TRIQK: variants seen among roughly 807,000 people sequenced by gnomAD.
TRIQK encodes triple QxxK/R motif-containing protein.
In TRIQK, 10 loss-of-function variants were observed where a neutral mutation model predicts 10.8. The ratio of observed to expected loss-of-function variants is 0.92; its 90% CI spans 0.57 to 1.57. The LOEUF (loss-of-function observed/expected upper bound fraction) is 1.57, where lower values mean the gene tolerates loss of function less well. TRIQK is among the 40% of genes most tolerant of loss of function. The probability of loss-of-function intolerance (pLI) is 0.00; values close to 1 mark genes in which losing one functional copy is unlikely to be tolerated. For missense variants in TRIQK, 107 were observed against 97.7 expected (o/e 1.09, Z -0.40); for synonymous variants, 33 against 33.7 (o/e 0.98, Z 0.07).
chr8:92,913,971 G>A (rs1809702059), intron 3 of TRIQK, among the ~76,000 whole-genome samples: 1 of 152,108 alleles, frequency 6.6e-6, no homozygotes, highest in African/African-American at 2.4e-5. Context: ...GCCTGTCAGG[G>A]GGTGGGGTGT....
intron 3 of TRIQK, among the ~76,000 whole-genome samples, chr8:92,896,670 T>C (rs1808615583): frequency 6.6e-6 from 1 of 152,158 alleles, no homozygotes. Context: ...CAAAGGATAT[T>C]ATGTCCAGCT....
intron 3 of TRIQK, among the ~76,000 whole-genome samples, chr8:92,897,218 A>G (rs1808657592): frequency 6.6e-6 from 1 of 152,100 alleles, no homozygotes; most frequent in African/African-American, 2.4e-5. Context: ...TCTTACCCAC[A>G]TGTGATTTTA....
At chr8:92,973,343 C>T (rs1010136309) in intron 1 of TRIQK, 2 of 152,106 alleles carry the variant, frequency 1.3e-5, no homozygotes, top group African/African-American at 4.8e-5. Context: ...TGAAGGTGAA[C>T]AGTAGCAATC....
chr8:92,889,828 A>G (rs1410130487), intron 4 of TRIQK, among the ~76,000 whole-genome samples: 1 of 151,756 alleles, frequency 6.6e-6, no homozygotes, highest in African/African-American at 2.4e-5. Context: ...GGCAAAGGGG[A>G]TAGGATTCTA....
intron 1 of TRIQK, among the ~76,000 whole-genome samples, chr8:92,964,314 G>C (rs1432879899): frequency 6.6e-6 from 1 of 151,812 alleles, no homozygotes; most frequent in Non-Finnish European, 1.5e-5. Context: ...ACAAAAACAG[G>C]GTCCATTTAG....
At chr8:92,935,933 A>G (rs1810966717) in intron 2 of TRIQK, among the ~76,000 whole-genome samples, 1 of 151,834 alleles carries the variant, frequency 6.6e-6, no homozygotes, top group African/African-American at 2.4e-5. Flanking sequence ...TAAGTCAATC[A>G]ATGTTTAAAA....
chr8:92,991,883 A>G (rs2130750570), intron 1 of TRIQK, among the ~76,000 whole-genome samples: 1 of 152,280 alleles, frequency 6.6e-6, no homozygotes, highest in Non-Finnish European at 1.5e-5. Flanking sequence ...GAGCCAAACC[A>G]TGAGTGAACT....
At chr8:92,890,659 T>C (rs1816715511) in intron 4 of TRIQK, among the ~76,000 whole-genome samples, 1 of 151,880 alleles carries the variant, frequency 6.6e-6, no homozygotes, top group Non-Finnish European at 1.5e-5. Flanking sequence ...TCTCAAATCC[T>C]GATATTTAAC....
chr8:92,908,525 T>C (rs1809399173), intron 3 of TRIQK, among the ~76,000 whole-genome samples: 1 of 152,146 alleles, frequency 6.6e-6, no homozygotes, highest in Admixed American at 6.6e-5. Context: ...TATTCCTCAA[T>C]TCATTGTCTT....
upstream of TRIQK, among the ~76,000 whole-genome samples, chr8:92,970,459 A>G (rs1210897487): frequency 6.6e-6 from 1 of 152,160 alleles, no homozygotes; most frequent in Non-Finnish European, 1.5e-5. Context: ...TCTCACCAGC[A>G]TCTGTTGTTT....
At chr8:93,006,125 C>G (rs775406958) in intron 1 of TRIQK, among the ~76,000 whole-genome samples, 1 of 151,918 alleles carries the variant, frequency 6.6e-6, no homozygotes, top group Non-Finnish European at 1.5e-5. Flanking sequence ...GGGATCTACA[C>G]TGAAAACTAT....
At chr8:92,965,218 T>C (rs551927018) in intron 1 of TRIQK, 4 of 152,200 alleles carry the variant, frequency 2.6e-5, no homozygotes, top group African/African-American at 9.6e-5. Context: ...TAGCAATAAA[T>C]TGCTTCAACT....
At chr8:92,899,739 T>C (rs1808819703) in intron 3 of TRIQK, among the ~76,000 whole-genome samples, 1 of 150,454 alleles carries the variant, frequency 6.6e-6, no homozygotes, top group Admixed American at 6.6e-5. Flanking sequence ...TTTGGTATCC[T>C]GATTTCCTTT....
intron 2 of TRIQK, among the ~76,000 whole-genome samples, chr8:92,932,323 A>G (rs1455019740): frequency 6.6e-6 from 1 of 152,142 alleles, no homozygotes; most frequent in Non-Finnish European, 1.5e-5. Context: ...AACAAAGCAT[A>G]ATCAATGTGA....
At chr8:92,897,192 C>A (rs578098687) in intron 3 of TRIQK, among the ~76,000 whole-genome samples, 1 of 152,034 alleles carries the variant, frequency 6.6e-6, no homozygotes, top group Non-Finnish European at 1.5e-5. Context: ...TGCCTCGAGA[C>A]GAATGATGCC....
At chr8:93,008,812 C>A (rs1813299472) in intron 1 of TRIQK, among the ~76,000 whole-genome samples, 1 of 152,180 alleles carries the variant, frequency 6.6e-6, no homozygotes, top group Non-Finnish European at 1.5e-5. Context: ...CCCTCTCTAA[C>A]CACATACAGA....
At chr8:92,913,303 G>A (rs920101523) in intron 3 of TRIQK, among the ~76,000 whole-genome samples, 2 of 152,046 alleles carry the variant, frequency 1.3e-5, no homozygotes, top group Admixed American at 1.3e-4. Flanking sequence ...CAAAAAGTGG[G>A]CAAAGGATAT....
chr8:92,927,167 T>C (rs1303737870), intron 2 of TRIQK, among the ~76,000 whole-genome samples: 2 of 152,108 alleles, frequency 1.3e-5, no homozygotes, highest in Admixed American at 1.3e-4. Flanking sequence ...GACTATCTGA[T>C]TGCAAATAAT....
chr8:92,982,413 A>C (rs1188074090), intron 1 of TRIQK, among the ~76,000 whole-genome samples: 1 of 152,006 alleles, frequency 6.6e-6, no homozygotes, highest in Non-Finnish European at 1.5e-5. Context: ...CTGTACTCTG[A>C]AAACTCAATA....
Sources: allele counts gnomAD v4.1 joint callset (sites outside exome capture counted in the v4.1 genomes callset), GRCh38; gene constraint gnomAD v4.1.1; transcripts MANE v1.5; gene names NCBI Gene and HGNC (gene_info 2026-07-23, HGNC 2026-07-21).